Variants in DOK6 observed in about 807,000 individuals in gnomAD.
DOK6 encodes docking protein 6, also known as downstream of tyrosine kinase 6.
DOK6 carries 22 observed loss-of-function variants against 44.0 expected under a neutral mutation model. The observed-to-expected ratio is 0.50, with a 90% CI of 0.36 to 0.71. DOK6 has a LOEUF of 0.71. Ranked by LOEUF, DOK6 falls within the 30% of genes least tolerant of loss-of-function variation. The pLI, the probability that DOK6 is intolerant of heterozygous loss-of-function variation, is 0.00. For missense variants in DOK6, 340 were observed against 416.4 expected, an observed-to-expected ratio of 0.82 and a Z score of 1.60; for synonymous variants, 166 against 145.5, an observed-to-expected ratio of 1.14 and a Z score of -1.01.
In DOK6 at chr18:69,401,379, G is replaced by GA. The variant is rs1280345680; in HGVS notation, c.66+69_66+70insA. ...GCCCGGCTGGCTGCCTGGGGGGGGGGCAGGGAGAGGTGACCCGTGCGGGTA... is the reference window on the plus strand; with the variant it reads ...GCCCGGCTGGCTGCCTGGGGGGGGGGACAGGGAGAGGTGACCCGTGCGGGTA... On this transcript the variant is annotated intron_variant, in intron 1 of 7. Transcript: ENST00000382713. 6.6e-6 allele frequency: 9 copies of GA among 1,362,240 alleles called. No individual in the cohort carries two copies. The East Asian group carries it at 1.5e-4, about 23-fold the overall frequency. 84.4% of individuals were successfully genotyped at this position (1,362,240 alleles called of 1,614,324 possible).
chr18:69,475,547 A>G lies in DOK6; in HGVS notation c.66+74237A>G, dbSNP rs77991059. On this transcript the variant is annotated intron_variant, in intron 1 of 7. Transcript: ENST00000382713. The stretch of plus-strand genomic sequence containing the variant: ...TGTGCTGCCAAACATTGCTGAACAT[A>G]CTTTCCTATGTGAATCCTCATTTAG... 2.6e-5 allele frequency among the ~76,000 whole-genome samples: 4 copies of G among 152,310 alleles called. No individual in the cohort carries two copies. In the East Asian group the frequency reaches 7.7e-4, roughly 29 times the overall value.
chr18:69,479,020 C>T (rs1279615954), intron 1 of DOK6, among the ~76,000 whole-genome samples: 8 of 152,080 alleles, frequency 5.3e-5, no homozygotes, highest in Non-Finnish European at 8.8e-5. Flanking sequence ...ATATTTTGTC[C>T]GTTTCATTTT....
At chr18:69,830,055 T>C (rs1451514504) in intron 7 of DOK6, among the ~76,000 whole-genome samples, 1 of 152,108 alleles carries the variant, frequency 6.6e-6, no homozygotes, top group Non-Finnish European at 1.5e-5. Flanking sequence ...TAAGCCAAAT[T>C]ATATAATTTC....
At chr18:69,770,109 A>C (rs1356510635) in intron 7 of DOK6, among the ~76,000 whole-genome samples, 1 of 152,080 alleles carries the variant, frequency 6.6e-6, no homozygotes, top group Non-Finnish European at 1.5e-5. Context: ...TGGCGTTTTT[A>C]TAAATGGAGA....
intron 5 of DOK6, among the ~76,000 whole-genome samples, chr18:69,736,746 A>G (rs925809735): frequency 6.6e-6 from 1 of 152,196 alleles, no homozygotes. Flanking sequence ...TTAGTTTTAT[A>G]TATCACAGTC....
chr18:69,447,914 T>C (rs1350987673), intron 1 of DOK6, among the ~76,000 whole-genome samples: 4 of 152,226 alleles, frequency 2.6e-5, no homozygotes, highest in Non-Finnish European at 4.4e-5. Flanking sequence ...TAAAGACTTT[T>C]GGCAAATGTT....
At chr18:69,788,733 G>A (rs1980506659) in intron 7 of DOK6, among the ~76,000 whole-genome samples, 1 of 152,104 alleles carries the variant, frequency 6.6e-6, no homozygotes, top group Admixed American at 6.5e-5. Context: ...TAACAGAATC[G>A]CTGCCAGGTA....
chr18:69,648,985 A>G (rs930136706), intron 3 of DOK6, among the ~76,000 whole-genome samples: 4 of 152,170 alleles, frequency 2.6e-5, no homozygotes. Context: ...ATCCCACTAG[A>G]TACGATATTA....
intron 5 of DOK6, among the ~76,000 whole-genome samples, chr18:69,734,905 A>T (rs998577008): frequency 2.6e-5 from 4 of 152,058 alleles, no homozygotes; most frequent in African/African-American, 9.7e-5. Context: ...ACGCCTTCAT[A>T]GAGAGCCAAG....
At chr18:69,795,471 G>A (rs1315496357) in intron 7 of DOK6, among the ~76,000 whole-genome samples, 1 of 152,124 alleles carries the variant, frequency 6.6e-6, no homozygotes, top group Non-Finnish European at 1.5e-5. Context: ...ACAGTGTGTA[G>A]GAACATCTTA....
chr18:69,461,435 A>G (rs1270105287), intron 1 of DOK6, among the ~76,000 whole-genome samples: 3 of 152,188 alleles, frequency 2.0e-5, no homozygotes, highest in African/African-American at 7.2e-5. Context: ...AGTTCCTGAT[A>G]AACGCCTGGC....
intron 3 of DOK6, among the ~76,000 whole-genome samples, chr18:69,619,133 C>T (rs544923885): frequency 6.6e-6 from 1 of 152,182 alleles, no homozygotes; most frequent in South Asian, 2.1e-4. Flanking sequence ...GCAAGTAAAG[C>T]CAAAGAGGAG....
At chr18:69,539,952 A>T (rs1982225600) in intron 1 of DOK6, among the ~76,000 whole-genome samples, 1 of 152,208 alleles carries the variant, frequency 6.6e-6, no homozygotes, top group Admixed American at 6.5e-5. Flanking sequence ...GGAAATTTAC[A>T]ATCATGGCAG....
intron 1 of DOK6, among the ~76,000 whole-genome samples, chr18:69,426,250 A>G (rs189830528): frequency 2.6e-5 from 4 of 152,244 alleles, no homozygotes; most frequent in Admixed American, 1.3e-4. Flanking sequence ...ATTCCTCCCC[A>G]TATCCAAACA....
At chr18:69,591,834 G>C (rs1188128537) in intron 2 of DOK6, among the ~76,000 whole-genome samples, 2 of 152,012 alleles carry the variant, frequency 1.3e-5, no homozygotes, top group Non-Finnish European at 2.9e-5. Flanking sequence ...GCTGAGCTTA[G>C]AGAAAGAATC....
chr18:69,767,330 T>C (rs1979747864), intron 7 of DOK6, among the ~76,000 whole-genome samples: 1 of 152,180 alleles, frequency 6.6e-6, no homozygotes, highest in South Asian at 2.1e-4. Flanking sequence ...AAGTTTTTAA[T>C]ACAAGGAAAA....
chr18:69,423,010 A>T (rs540339685), intron 1 of DOK6, among the ~76,000 whole-genome samples: 1 of 152,284 alleles, frequency 6.6e-6, no homozygotes, highest in East Asian at 1.9e-4. Flanking sequence ...ATTTTTTAAC[A>T]TAGAAAAATG....
chr18:69,405,380 G>A (rs1047415797), intron 1 of DOK6, among the ~76,000 whole-genome samples: 35 of 152,182 alleles, frequency 2.3e-4, no homozygotes, highest in African/African-American at 8.4e-4. Flanking sequence ...AGCATTTTGG[G>A]AGGCTGAGGC....
intron 1 of DOK6, among the ~76,000 whole-genome samples, chr18:69,509,637 C>CAAAAAA (rs1183367298): frequency 1.5e-4 from 5 of 34,010 alleles, no homozygotes; most frequent in Admixed American, 3.8e-4. Flanking sequence ...GGCTCTGTCT[C>CAAAAAA]AAAAAAAAAA....
Sources: gnomAD v4.1 joint callset for allele counts (sites outside exome capture counted in the v4.1 genomes callset) on GRCh38, gnomAD v4.1.1 for gene constraint, MANE v1.5 for transcripts, NCBI Gene and HGNC (gene_info 2026-07-23, HGNC 2026-07-21) for gene names.